The following PTPRD variants were observed in gnomAD, a reference collection of about 807,000 sequenced individuals.
The protein encoded by PTPRD is protein tyrosine phosphatase receptor type D.
A neutral mutation model predicts 214.5 loss-of-function variants in PTPRD; 34 were observed. The observed-to-expected ratio is 0.16, with a 90% CI of 0.12 to 0.21. PTPRD has a LOEUF of 0.21. PTPRD is among the 10% of genes least tolerant of loss of function. The pLI is 1.00. For synonymous variants in PTPRD, 1,128 were observed against 845.7 expected, an observed-to-expected ratio of 1.33 and a Z score of -5.79; for missense variants, 2,545 against 2,398.7, an observed-to-expected ratio of 1.06 and a Z score of -1.27.
intron 5 of PTPRD, among the ~76,000 whole-genome samples, chr9:9,795,749 T>C (rs1419317460): frequency 1.3e-5 from 2 of 151,730 alleles, no homozygotes; most frequent in African/African-American, 4.9e-5. Context: ...TTGCATGGTT[T>C]ATGTTTCCTA....
chr9:8,482,202 A>T (rs1191498255), intron 30 of PTPRD, among the ~76,000 whole-genome samples: 1 of 152,182 alleles, frequency 6.6e-6, no homozygotes, highest in East Asian at 1.9e-4. Context: ...CTTTAGGATG[A>T]CACCATCATT....
chr9:9,976,174 A>G (rs1373662659), intron 4 of PTPRD, among the ~76,000 whole-genome samples: 1 of 152,172 alleles, frequency 6.6e-6, no homozygotes, highest in East Asian at 1.9e-4. Context: ...AAAATTTGAT[A>G]TGCCTGCAGT....
intron 3 of PTPRD, among the ~76,000 whole-genome samples, chr9:10,244,736 T>G (rs552707233): frequency 3.3e-5 from 5 of 152,270 alleles, no homozygotes; most frequent in Non-Finnish European, 1.5e-5. Flanking sequence ...TCAAACAATA[T>G]TTAAAACAGG....
At chr9:8,600,546 C>T (rs887766752) in intron 14 of PTPRD, among the ~76,000 whole-genome samples, 1 of 151,790 alleles carries the variant, frequency 6.6e-6, no homozygotes, top group African/African-American at 2.4e-5. Context: ...GTAAAGAGGA[C>T]TCTGTCTTGC....
chr9:9,690,303 T>A (rs943519561), intron 7 of PTPRD, among the ~76,000 whole-genome samples: 1 of 151,940 alleles, frequency 6.6e-6, no homozygotes, highest in Admixed American at 6.6e-5. Flanking sequence ...GAACTGTCTA[T>A]TCAGATCTTT....
At chr9:9,771,009 T>C (rs572477873) in intron 5 of PTPRD, among the ~76,000 whole-genome samples, 1 of 152,282 alleles carries the variant, frequency 6.6e-6, no homozygotes, top group South Asian at 2.1e-4. Context: ...TAAGAGGTAT[T>C]CTTACAAAAG....
At chr9:10,017,734 C>G (rs1297700558) in intron 4 of PTPRD, among the ~76,000 whole-genome samples, 1 of 152,028 alleles carries the variant, frequency 6.6e-6, no homozygotes, top group Non-Finnish European at 1.5e-5. Context: ...TTACTTATTT[C>G]TGTATTACTA....
intron 3 of PTPRD, among the ~76,000 whole-genome samples, chr9:10,083,343 T>C (rs1455014128): frequency 1.3e-5 from 2 of 152,026 alleles, no homozygotes; most frequent in Non-Finnish European, 2.9e-5. Flanking sequence ...GCATTCTCAA[T>C]GCCTATGTAG....
chr9:9,770,732 T>G (rs1021327382), intron 5 of PTPRD, among the ~76,000 whole-genome samples: 1 of 152,166 alleles, frequency 6.6e-6, no homozygotes, highest in South Asian at 2.1e-4. Context: ...GTATATTCAC[T>G]GCACAGGTTG....
intron 2 of PTPRD, among the ~76,000 whole-genome samples, chr9:10,602,439 T>A (rs1250522600): frequency 1.3e-5 from 2 of 151,812 alleles, no homozygotes; most frequent in African/African-American, 2.4e-5. Context: ...ATTTGATGAA[T>A]ATGGAGATAA....
intron 3 of PTPRD, among the ~76,000 whole-genome samples, chr9:10,286,644 C>T (rs2095364612): frequency 6.6e-6 from 1 of 152,090 alleles, no homozygotes; most frequent in African/African-American, 2.4e-5. Flanking sequence ...CTCTCCCGGG[C>T]TGGAGTGCAG....
At position 10,265,306 on chromosome 9, in the gene PTPRD, A is replaced by G. The variant is rs966704085; in HGVS notation, c.-545+75657T>C. Reference sequence around the variant, plus strand: ...CTAGCCTGTACAAAACATATGACTCAGTCTTCCTGACCACATCAGCTAACA... The same window carrying G: ...CTAGCCTGTACAAAACATATGACTCGGTCTTCCTGACCACATCAGCTAACA... On this transcript the variant is annotated intron_variant, in intron 3 of 45. Transcript: ENST00000381196. Among the ~76,000 whole-genome samples, 4 of 152,304 alleles carry G rather than the reference A, an allele frequency of 2.6e-5. No homozygotes were observed. In the East Asian group the frequency reaches 7.7e-4, roughly 29 times the overall value.
chr9:9,942,607 C>T (rs1022894827), intron 4 of PTPRD, among the ~76,000 whole-genome samples: 1 of 152,000 alleles, frequency 6.6e-6, no homozygotes. Flanking sequence ...GTGCTTCTAC[C>T]GACAATCTAC....
intron 11 of PTPRD, among the ~76,000 whole-genome samples, chr9:8,886,602 G>C (rs1418842739): frequency 6.6e-6 from 1 of 152,116 alleles, no homozygotes; most frequent in Non-Finnish European, 1.5e-5. Context: ...AAAATGCATG[G>C]TTTAAATAAT....
intron 14 of PTPRD, among the ~76,000 whole-genome samples, chr9:8,627,902 C>T (rs1205631566): frequency 6.6e-6 from 1 of 151,916 alleles, no homozygotes; most frequent in African/African-American, 2.4e-5. Flanking sequence ...GCTCTGCCCA[C>T]TACCACCTTT....
chr9:9,588,851 T>C (rs533548796), intron 7 of PTPRD, among the ~76,000 whole-genome samples: 51 of 152,000 alleles, frequency 3.4e-4, no homozygotes, highest in Non-Finnish European at 6.3e-4. Context: ...CTATGCATTT[T>C]GAAAGCATTT....
chr9:10,369,882 G>T (rs2097578923), intron 2 of PTPRD, among the ~76,000 whole-genome samples: 3 of 152,000 alleles, frequency 2.0e-5, no homozygotes, highest in Non-Finnish European at 2.9e-5. Context: ...ATATTAAATA[G>T]AAACATAGTG....
In PTPRD at chr9:8,633,959, G is replaced by A. The variant is rs116753573; in HGVS notation, c.211-501C>T. Among the ~76,000 whole-genome samples, 1,013 of 152,046 alleles carry A rather than the reference G, an allele frequency of 6.7e-3. 8 individuals carry two copies. Among genetic ancestry groups the A allele is most frequent in the African/African-American group, 0.023 (967 of 41,496 alleles). ...GATAGGCAAACCACGAAAAGAAATT[G>A]CATAAATCTAGTACTTAGGCAGCCA... On this transcript the variant is annotated intron_variant, in intron 13 of 45. Coordinates refer to ENST00000381196, the MANE Select transcript of PTPRD (RefSeq NM_002839.4).
At chr9:9,773,521 A>G (rs1400623604) in intron 5 of PTPRD, among the ~76,000 whole-genome samples, 1 of 152,236 alleles carries the variant, frequency 6.6e-6, no homozygotes, top group African/African-American at 2.4e-5. Context: ...GAGGTATTAT[A>G]GAATATCTCA....
Sources: gnomAD v4.1 joint callset for allele counts (sites outside exome capture counted in the v4.1 genomes callset) on GRCh38, gnomAD v4.1.1 for gene constraint, MANE v1.5 for transcripts, NCBI Gene and HGNC (gene_info 2026-07-23, HGNC 2026-07-21) for gene names.